ESRRG: variants seen among roughly 807,000 people sequenced by gnomAD.
ESRRG encodes the protein estrogen-related receptor gamma.
A neutral mutation model predicts 44.0 loss-of-function variants in ESRRG; 13 were observed. The ratio of observed to expected loss-of-function variants is 0.30; its 90% CI spans 0.19 to 0.47. The LOEUF is 0.47. Among genes scored for constraint, ESRRG ranks in the 20% least tolerant of loss-of-function variants. The probability of loss-of-function intolerance (pLI) is 1.00; values close to 1 mark genes in which losing one functional copy is unlikely to be tolerated. For missense variants in ESRRG, 395 were observed against 580.6 expected (o/e 0.68, Z 3.29); for synonymous variants, 215 against 214.6 (o/e 1.00, Z -0.02).
intron 3 of ESRRG, among the ~76,000 whole-genome samples, chr1:216,607,775 T>G (rs1381987435): frequency 6.6e-6 from 1 of 152,220 alleles, no homozygotes; most frequent in African/African-American, 2.4e-5. Flanking sequence ...GATCAAATGA[T>G]AAGTGCCTGA....
chr1:216,666,161 A>G (rs554043385), intron 2 of ESRRG, among the ~76,000 whole-genome samples: 3 of 152,310 alleles, frequency 2.0e-5, no homozygotes, highest in Non-Finnish European at 2.9e-5. Context: ...TTAGCAAATC[A>G]CATTGAGTCA....
At chr1:216,766,242 G>T (rs2093069427) in intron 2 of ESRRG, among the ~76,000 whole-genome samples, 1 of 152,054 alleles carries the variant, frequency 6.6e-6, no homozygotes, top group South Asian at 2.1e-4. Flanking sequence ...CCACCACAAA[G>T]ATGAAGATAA....
At chr1:216,581,605 A>G (rs150725236) in intron 3 of ESRRG, among the ~76,000 whole-genome samples, 1 of 147,582 alleles carries the variant, frequency 6.8e-6, no homozygotes, top group Admixed American at 7.0e-5. Context: ...ACACAAAGTG[A>G]GTGAATGAAA....
At chr1:216,686,447 A>G in intron 1 of ESRRG, among the ~76,000 whole-genome samples, 1 of 149,960 alleles carries the variant, frequency 6.7e-6, no homozygotes, top group Non-Finnish European at 1.5e-5. Context: ...ACCAAAAAAA[A>G]AAAAAAAAAA....
intron 1 of ESRRG, among the ~76,000 whole-genome samples, chr1:216,703,682 T>C (rs1049284788): frequency 1.8e-4 from 26 of 148,028 alleles, no homozygotes; most frequent in African/African-American, 6.2e-4. Flanking sequence ...TGTGTGTGTG[T>C]GTATGTTTGT....
chr1:216,809,373 A>G (rs531795139), intron 2 of ESRRG, among the ~76,000 whole-genome samples: 98 of 150,860 alleles, frequency 6.5e-4, no homozygotes, highest in Non-Finnish European at 9.3e-4. Context: ...TCCAATTGTC[A>G]TCATTAAAAA....
At chr1:216,698,202 G>C (rs566071419) in intron 1 of ESRRG, among the ~76,000 whole-genome samples, 1 of 152,136 alleles carries the variant, frequency 6.6e-6, no homozygotes, top group East Asian at 1.9e-4. Context: ...TTACATATTA[G>C]CTAACTAGTT....
intron 1 of ESRRG, among the ~76,000 whole-genome samples, chr1:216,982,850 G>A (rs2074194059): frequency 2.0e-5 from 3 of 152,104 alleles, no homozygotes; most frequent in South Asian, 2.1e-4. Flanking sequence ...CACAGACACT[G>A]TTTTTTCCAG....
intron 2 of ESRRG, among the ~76,000 whole-genome samples, chr1:216,775,516 C>A (rs546944103): frequency 1.4e-5 from 2 of 142,976 alleles, no homozygotes; most frequent in African/African-American, 5.1e-5. Flanking sequence ...ACCCTGACAG[C>A]ATGGAGTCTT....
At chr1:216,945,169 T>C (rs972820262) in intron 1 of ESRRG, among the ~76,000 whole-genome samples, 3 of 152,234 alleles carry the variant, frequency 2.0e-5, no homozygotes, top group African/African-American at 7.2e-5. Flanking sequence ...CCCTCTGCTC[T>C]CAACCAAGGA....
At chr1:217,003,389 G>A (rs1182607688) in intron 1 of ESRRG, among the ~76,000 whole-genome samples, 1 of 151,738 alleles carries the variant, frequency 6.6e-6, no homozygotes, top group Non-Finnish European at 1.5e-5. Context: ...GAGATAATAT[G>A]AAAAAATAAT....
chr1:216,925,578 T>G (rs1469065769), intron 2 of ESRRG, among the ~76,000 whole-genome samples: 1 of 152,084 alleles, frequency 6.6e-6, no homozygotes, highest in African/African-American at 2.4e-5. Context: ...GGTTTTTCTG[T>G]TTTTGGGGGG....
At chr1:217,089,633 A>G (rs1047722518), upstream of ESRRG, 2 of 152,088 alleles carry the variant, frequency 1.3e-5, no homozygotes, top group Admixed American at 1.3e-4. Context: ...CACATCTTAC[A>G]CACGCCTCCT....
chr1:216,560,219 A>AT (rs904604564), intron 5 of ESRRG, among the ~76,000 whole-genome samples: 87 of 152,230 alleles, frequency 5.7e-4, no homozygotes, highest in African/African-American at 2.1e-3. Flanking sequence ...AATTATAGGA[A>AT]TTTTTTTCTA....
chr1:216,962,568 T>G (rs2069332709), intron 1 of ESRRG, among the ~76,000 whole-genome samples: 1 of 152,026 alleles, frequency 6.6e-6, no homozygotes, highest in African/African-American at 2.4e-5. Flanking sequence ...CTTTTTTTTC[T>G]TTTTTCTTTT....
chr1:216,954,026 A>G (rs2150104089), intron 1 of ESRRG, among the ~76,000 whole-genome samples: 1 of 152,274 alleles, frequency 6.6e-6, no homozygotes. Flanking sequence ...GATTTTCTAT[A>G]GATTCCATGC....
At chr1:216,542,057 G>A (rs1322929702) in intron 5 of ESRRG, among the ~76,000 whole-genome samples, 1 of 143,226 alleles carries the variant, frequency 7.0e-6, no homozygotes, top group African/African-American at 2.6e-5. Flanking sequence ...GTGGGTATAA[G>A]GTGTGTGTCT....
chr1:216,528,166 A>G (rs560551940), intron 5 of ESRRG, among the ~76,000 whole-genome samples: 57 of 152,328 alleles, frequency 3.7e-4, no homozygotes, highest in Middle Eastern at 6.8e-3. Flanking sequence ...ACATATAACA[A>G]AAAGGGGTGC....
At chr1:216,790,689 T>C (rs2094292379) in intron 2 of ESRRG, among the ~76,000 whole-genome samples, 2 of 152,096 alleles carry the variant, frequency 1.3e-5, no homozygotes, top group Admixed American at 1.3e-4. Flanking sequence ...TAATAGGAAA[T>C]AAGGCTGGCA....
Sources: allele counts gnomAD v4.1 joint callset (sites outside exome capture counted in the v4.1 genomes callset), GRCh38; gene constraint gnomAD v4.1.1; transcripts MANE v1.5; gene names NCBI Gene and HGNC (gene_info 2026-07-23, HGNC 2026-07-21).